The following CBLL1 variants were observed in gnomAD, a reference collection of about 807,000 sequenced individuals.
CBLL1 encodes the protein E3 ubiquitin-protein ligase Hakai.
A neutral mutation model predicts 44.9 loss-of-function variants in CBLL1; 4 were observed. The observed-to-expected ratio is 0.09, with a 90% confidence interval of 0.04 to 0.20. CBLL1 has a LOEUF of 0.20. CBLL1 is among the 10% of genes least tolerant of loss of function. The pLI, the probability that CBLL1 is intolerant of heterozygous loss-of-function variation, is 1.00. For synonymous variants in CBLL1, 235 were observed against 202.2 expected (o/e 1.16, Z -1.38); for missense variants, 569 against 636.7 (o/e 0.89, Z 1.14).
Position 107,758,661 on chromosome 7 carries a change from C to T in CBLL1, c.959C>T (p.Pro320Leu). 6.2e-7 allele frequency: 1 copy of T among 1,614,104 alleles called. No individual in the cohort carries two copies. Among genetic ancestry groups the T allele is most frequent in the Non-Finnish European group, 8.5e-7 (1 of 1,180,002 alleles). Residue 320 changes from proline (P) to leucine (L), a missense_variant, in exon 6 of 6, where the codon CCT becomes CTT. Pro to Leu is a moderately conservative substitution (Grantham distance 98). Transcript: ENST00000440859. This position sits in a 1 kb window ranked among gnomAD's most constrained non-coding sequence, Gnocchi z 4.2. Reference protein sequence around the residue: ...PPAPAPAHHHPEYQGQPVVSH... With the variant: ...PPAPAPAHHHLEYQGQPVVSH... ...GCCCCAGCACCTGCTCACCATCATC[C>T]TGAATATCAGGGTCAACCAGTGGTA...
At chr7:107,750,366 C>T (rs1182407785) in intron 2 of CBLL1, among the ~76,000 whole-genome samples, 4 of 151,320 alleles carry the variant, frequency 2.6e-5, no homozygotes, top group East Asian at 1.9e-4. Flanking sequence ...AGTGCAGTGG[C>T]GGGATCTCGG....
intron 4 of CBLL1, among the ~76,000 whole-genome samples, chr7:107,754,803 A>G (rs1793455728): frequency 6.6e-6 from 1 of 152,144 alleles, no homozygotes; most frequent in Admixed American, 6.5e-5. Context: ...AAAAACACAC[A>G]TAATTAAAAG....
intron 1 of CBLL1, among the ~76,000 whole-genome samples, chr7:107,747,136 G>A (rs1264795197): frequency 2.0e-5 from 3 of 152,126 alleles, no homozygotes; most frequent in Admixed American, 2.0e-4. Context: ...AAGCAAAAAA[G>A]TCCCAAAGAA....
intron 5 of CBLL1, among the ~76,000 whole-genome samples, chr7:107,756,132 A>G (rs1793517122): frequency 6.6e-6 from 1 of 152,210 alleles, no homozygotes; most frequent in African/African-American, 2.4e-5. Flanking sequence ...GTCTTGAAGA[A>G]AACAGAATAA....
At chr7:107,744,326 G>A (rs1054133327) in intron 1 of CBLL1, 150 bp downstream of exon 1, 13 of 1,005,508 alleles carry the variant, frequency 1.3e-5, no homozygotes, top group African/African-American at 5.1e-5. Context: ...TCCTGTGCCC[G>A]GCAGGGGCCT....
intron 2 of CBLL1, 107 bp downstream of exon 2, chr7:107,749,154 C>A: frequency 2.2e-6 from 2 of 894,732 alleles, no homozygotes; most frequent in East Asian, 2.7e-5. Flanking sequence ...ATATTCTATT[C>A]ATTCTTCAAC....
chr7:107,746,883 G>C (rs183343626), intron 1 of CBLL1, among the ~76,000 whole-genome samples: 21 of 151,762 alleles, frequency 1.4e-4, no homozygotes, highest in African/African-American at 4.8e-4. Context: ...AAAGATCCCA[G>C]ATTTTGTAAA....
intron 5 of CBLL1, 123 bp downstream of exon 5, chr7:107,755,614 A>C (rs990418544): frequency 1.3e-5 from 6 of 477,456 alleles, no homozygotes; most frequent in Non-Finnish European, 1.8e-5. Flanking sequence ...AGACATGGCT[A>C]ATCTTTTTCT....
chr7:107,756,924 C>G (rs140701303), intron 5 of CBLL1, among the ~76,000 whole-genome samples: 16 of 152,248 alleles, frequency 1.1e-4, no homozygotes, highest in African/African-American at 2.9e-4. Flanking sequence ...GTATATATTA[C>G]TGTTCTTAAG....
Position 107,759,256 on chromosome 7 carries a change from G to A in CBLL1, c.*78G>A. 1 of 1,277,386 alleles carries A rather than the reference G, an allele frequency of 7.8e-7. No homozygotes were observed. The highest frequency in any genetic ancestry group is 1.1e-6 in the Non-Finnish European group (1 of 926,452). 79.1% of individuals were successfully genotyped at this position (1,277,386 alleles called of 1,614,324 possible). ...AATCTTTTAAGCTTTGACTGTTTTG[G>A]GAAGGAAGAGTACCTCTTATCGAGG... On this transcript the variant is annotated 3_prime_UTR_variant, in exon 6 of 6. Transcript: ENST00000440859.
At chr7:107,757,603 CT>C (rs1256425643) in intron 5 of CBLL1, among the ~76,000 whole-genome samples, 1 of 152,150 alleles carries the variant, frequency 6.6e-6, no homozygotes, top group Non-Finnish European at 1.5e-5. Flanking sequence ...CTTTAAAGGA[CT>C]TTTAGTAGTC....
intron 1 of CBLL1, among the ~76,000 whole-genome samples, chr7:107,745,488 C>T (rs1792970330): frequency 6.6e-6 from 1 of 152,192 alleles, no homozygotes; most frequent in Non-Finnish European, 1.5e-5. Flanking sequence ...GCAGGCACAT[C>T]ATTCAGGTCA....
Position 107,761,161 on chromosome 7 carries a change from A to G in CBLL1, c.*1983A>G, listed in dbSNP as rs1793743967. The G allele has an allele frequency of 6.6e-6, 1 of 152,194 alleles. No individual in the cohort carries two copies. The highest frequency in any genetic ancestry group is 2.1e-4 in the South Asian group (1 of 4,830). 9.4% of individuals were successfully genotyped at this position (152,194 alleles called of 1,614,324 possible). A position where few individuals can be genotyped will look rare whatever the true frequency, so the allele number is the denominator to read the frequency against. The stretch of plus-strand genomic sequence containing the variant: ...ATTCTTTGTTCCATGTAATAAGAAA[A>G]TAGCCAAAATCACTTTAGAGCTTCT... On this transcript the variant is annotated 3_prime_UTR_variant, in exon 6 of 6. Transcript: ENST00000440859.
intron 1 of CBLL1, 109 bp downstream of exon 1, chr7:107,744,285 G>T: frequency 7.8e-7 from 1 of 1,285,946 alleles, no homozygotes; most frequent in Non-Finnish European, 1.0e-6. Flanking sequence ...ACACTAGGGT[G>T]TGGCAGTGAG....
chr7:107,744,722 GT>G, intron 1 of CBLL1: 1 of 153,808 alleles, frequency 6.5e-6, no homozygotes, highest in African/African-American at 2.4e-5. Flanking sequence ...ACTCGGAGCA[GT>G]TTTTCTACCT....
intron 2 of CBLL1, chr7:107,752,625 G>A: frequency 1.6e-6 from 2 of 1,252,974 alleles, no homozygotes; most frequent in Non-Finnish European, 2.1e-6. Context: ...TAGGTAATTG[G>A]ATTCTACCTA....
intron 1 of CBLL1, among the ~76,000 whole-genome samples, chr7:107,747,572 A>G (rs368024431): frequency 1.3e-5 from 2 of 152,200 alleles, no homozygotes; most frequent in Non-Finnish European, 2.9e-5. Flanking sequence ...AGTCTATTTA[A>G]TGAAGTGTTG....
Position 107,758,035 on chromosome 7 carries a change from CTA to C in CBLL1, c.441-106_441-105del. ...TGTAACTTCTAATTGTGGACTTTTGCTATGTTTTATGTAACAGTCAAATTTTA... is the reference window on the plus strand; with the variant it reads ...TGTAACTTCTAATTGTGGACTTTTGCTGTTTTATGTAACAGTCAAATTTTA... On this transcript the variant is annotated intron_variant, in intron 5 of 5. Transcript: ENST00000440859. The surrounding 1 kb of genome is among the most constrained non-coding windows in gnomAD (Gnocchi z 4.2). 1.0e-6 allele frequency: 1 copy of C among 978,490 alleles called. No homozygotes were observed. Among genetic ancestry groups the C allele is most frequent in the Non-Finnish European group, 1.5e-6 (1 of 676,614 alleles). The allele number at this position is 978,490 out of a possible 1,614,324, so 60.6% of individuals were successfully genotyped here. A position where few individuals can be genotyped will look rare whatever the true frequency, so the allele number is the denominator to read the frequency against.
rs1361068817 is a variant in CBLL1, at chr7:107,758,452, T to C, written c.750T>C (p.His250=). 6.2e-7 allele frequency: 1 copy of C among 1,614,016 alleles called. No individual in the cohort carries two copies. The highest frequency in any genetic ancestry group is 1.3e-5 in the African/African-American group (1 of 74,910). The change falls in exon 6 of 6, where the codon CAT becomes CAC. Residue 250 remains histidine (H), a synonymous_variant. Transcript: ENST00000440859. The surrounding 1 kb of genome is among the most constrained non-coding windows in gnomAD (Gnocchi z 4.2). The part of the protein sequence containing the change: ...MPPPPLQHVP[H]EHYNQPHEDI... The stretch of plus-strand genomic sequence containing the variant: ...CACCTCCTTTGCAACATGTGCCACA[T>C]GAGCACTATAATCAGCCACATGAGG...
Sources: allele counts gnomAD v4.1 joint callset (sites outside exome capture counted in the v4.1 genomes callset), GRCh38; gene constraint gnomAD v4.1.1; non-coding constraint Gnocchi (gnomAD v3.1); transcripts MANE v1.5; gene names NCBI Gene and HGNC (gene_info 2026-07-23, HGNC 2026-07-21).